Variants in CDKL5 observed in about 807,000 individuals in gnomAD.
CDKL5 encodes the protein cyclin-dependent kinase-like 5.
Under a neutral mutation model 61.7 loss-of-function variants are expected in CDKL5, and 8 were observed. That is an observed-to-expected ratio of 0.13 (90% CI 0.08 to 0.23). CDKL5 has a LOEUF of 0.23. Among genes scored for constraint, CDKL5 ranks in the 10% least tolerant of loss-of-function variants. The pLI is 1.00. For synonymous variants in CDKL5, 275 were observed against 272.3 expected (o/e 1.01, Z -0.10); for missense variants, 440 against 734.5 (o/e 0.60, Z 4.63).
chrX:18,453,841 G>T (rs1263545485), intron 1 of CDKL5, among the ~76,000 whole-genome samples: 1 of 112,158 alleles, frequency 8.9e-6, no homozygotes, highest in East Asian at 2.8e-4. Flanking sequence ...TCATAGGCGT[G>T]TTGTCTTTGT....
At chrX:18,426,192 T>C (rs1347674366) in intron 1 of CDKL5, 1 of 112,687 alleles carries the variant, frequency 8.9e-6, no homozygotes, top group Non-Finnish European at 1.9e-5. Context: ...CGGGCCCTTC[T>C]GACCTTGGCT....
At chrX:18,579,735 T>TAAA (rs1264236603) in intron 5 of CDKL5, 113 bp from the exon 6 acceptor site, 4 of 647,284 alleles carry the variant, frequency 6.2e-6, no homozygotes, top group Non-Finnish European at 9.3e-6. Context: ...GCAAAACAAT[T>TAAA]AAAAAAAAAA....
At position 18,579,885 on chromosome X, in the gene CDKL5, T is replaced by C; in HGVS notation, c.320T>C (p.Val107Ala). The C allele has an allele frequency of 8.3e-7, 1 of 1,203,389 alleles. No homozygotes were observed. The highest frequency in any genetic ancestry group is 1.8e-5 in the South Asian group (1 of 56,757). Residue 107 changes from valine (V) to alanine (A), a missense_variant, in exon 6 of 18, where the codon GTT becomes GCT. Physicochemically the swap from Val to Ala is moderately conservative, Grantham distance 64. Transcript: ENST00000623535. Reference protein sequence around the residue: ...LELLEEMPNGVPPEKVKSYIY... With the variant: ...LELLEEMPNGAPPEKVKSYIY... ...TTGCTGGAAGAAATGCCAAATGGAG[T>C]TCCACCTGAGAAAGTAAAAAGCTAC... is the stretch of plus-strand genomic sequence containing the variant.
chrX:18,429,373 T>G (rs1931432603), intron 1 of CDKL5, among the ~76,000 whole-genome samples: 2 of 111,493 alleles, frequency 1.8e-5, no homozygotes, highest in Non-Finnish European at 3.8e-5. Flanking sequence ...ATTATAATAC[T>G]CCATCTATTG....
At chrX:18,651,258 T>A (rs1238936393) in intron 21 of CDKL5, among the ~76,000 whole-genome samples, 78 of 97,196 alleles carry the variant, frequency 8.0e-4, no homozygotes, top group African/African-American at 3.0e-3. Flanking sequence ...TGTGTGTGTG[T>A]GTGTGTGAGA....
intron 1 of CDKL5, among the ~76,000 whole-genome samples, chrX:18,450,324 T>C (rs1218211236): frequency 8.9e-6 from 1 of 112,183 alleles, no homozygotes; most frequent in African/African-American, 3.2e-5. Context: ...CTAAATAACA[T>C]AGGTGAAGTG....
chrX:18,477,010 C>G, intron 1 of CDKL5, among the ~76,000 whole-genome samples: 1 of 111,493 alleles, frequency 9.0e-6, no homozygotes, highest in East Asian at 2.8e-4. Context: ...CCTCGTGATC[C>G]GTCCACCCTG....
At chrX:18,444,811 T>G (rs1195117645) in intron 1 of CDKL5, among the ~76,000 whole-genome samples, 2 of 112,259 alleles carry the variant, frequency 1.8e-5, no homozygotes, top group Non-Finnish European at 3.8e-5. Context: ...CCATTTGGCT[T>G]CCCTTCTTCC....
chrX:18,500,847 T>C (rs185613063), intron 1 of CDKL5, among the ~76,000 whole-genome samples: 1 of 111,173 alleles, frequency 9.0e-6, no homozygotes, highest in Non-Finnish European at 1.9e-5. Flanking sequence ...TTATTTTTTT[T>C]ATTTGTTTTG....
rs773761463 is a variant in CDKL5, at chrX:18,619,157, C to CTT, written c.2277-693_2277-692dup. Among the ~76,000 whole-genome samples, 416 of 80,791 alleles carry CTT rather than the reference C, an allele frequency of 5.1e-3. 2 individuals carry two copies. Among genetic ancestry groups the CTT allele is most frequent in the African/African-American group, 0.012 (268 of 21,973 alleles). The allele number at this position is 80,791 out of a possible 115,157, so 70.2% of individuals were successfully genotyped here. ...AGCTTTTCCCCCCGCCCCGTGAAAG[C>CTT]TTTTTTTTTTTTTTTTTTAAAGAAA... On this transcript the variant is annotated intron_variant, in intron 15 of 17. Transcript: ENST00000623535.
chrX:18,614,723 G>A (rs770972961), intron 15 of CDKL5, among the ~76,000 whole-genome samples: 8 of 112,373 alleles, frequency 7.1e-5, no homozygotes, highest in African/African-American at 9.7e-5. Flanking sequence ...AAAGATCTGC[G>A]AATTAACGTG....
chrX:18,499,360 T>TG (rs1922295013), intron 1 of CDKL5, among the ~76,000 whole-genome samples: 1 of 108,304 alleles, frequency 9.2e-6, no homozygotes, highest in Non-Finnish European at 1.9e-5. Flanking sequence ...GTTCAGTCTT[T>TG]GTTTTTTTTT....
chrX:18,561,046 TTTC>T (rs201348897), intron 3 of CDKL5, among the ~76,000 whole-genome samples: 4,449 of 111,264 alleles, frequency 0.04, 240 homozygotes, highest in African/African-American at 0.14. Context: ...GACCCTTAAT[TTTC>T]TTCTTCTTGG....
Position 18,607,715 on chromosome X carries a change from G to T in CDKL5, c.1945-1096G>T, listed in dbSNP as rs142564741. ...GAATCACTCCCATGCAAAGTATCGG[G>T]CCACCTTGAAAAGCACAGAGACTCT... On this transcript the variant is annotated intron_variant, in intron 12 of 17. Coordinates refer to ENST00000623535, the MANE Select transcript of CDKL5 (RefSeq NM_001323289.2). Among the ~76,000 whole-genome samples the T allele has an allele frequency of 4.5e-3, 503 of 111,800 alleles. 4 individuals carry two copies. Among genetic ancestry groups the T allele is most frequent in the African/African-American group, 0.015 (454 of 30,762 alleles).
intron 3 of CDKL5, among the ~76,000 whole-genome samples, chrX:18,552,286 T>C (rs951846712): frequency 9.1e-5 from 10 of 109,664 alleles, no homozygotes; most frequent in African/African-American, 3.3e-4. Context: ...ACCCAAAATG[T>C]ATATATTTGC....
chrX:18,462,264 G>T (rs766300245), intron 1 of CDKL5, among the ~76,000 whole-genome samples: 1 of 110,804 alleles, frequency 9.0e-6, no homozygotes, highest in Non-Finnish European at 1.9e-5. Context: ...AGTCGCAGCT[G>T]CAATATATGC....
At chrX:18,509,583 AT>A (rs1250305123) in intron 2 of CDKL5, among the ~76,000 whole-genome samples, 4 of 111,528 alleles carry the variant, frequency 3.6e-5, no homozygotes, top group Non-Finnish European at 5.6e-5. Flanking sequence ...CATTCATTAC[AT>A]TTTGATTCTC....
intron 3 of CDKL5, among the ~76,000 whole-genome samples, chrX:18,543,654 C>A (rs1464815179): frequency 3.6e-5 from 4 of 111,581 alleles, no homozygotes; most frequent in Non-Finnish European, 7.5e-5. Flanking sequence ...ATAATTTATT[C>A]TTCAAATATA....
chrX:18,495,463 G>A (rs767250667), intron 1 of CDKL5, among the ~76,000 whole-genome samples: 1 of 112,084 alleles, frequency 8.9e-6, no homozygotes, highest in Non-Finnish European at 1.9e-5. Flanking sequence ...AACCTAAAAT[G>A]CATTTGGTTA....
Sources: gnomAD v4.1 joint callset for allele counts (sites outside exome capture counted in the v4.1 genomes callset) on GRCh38, gnomAD v4.1.1 for gene constraint, MANE v1.5 for transcripts, NCBI Gene and HGNC (gene_info 2026-07-23, HGNC 2026-07-21) for gene names.